ANKRD36B: variants seen among roughly 807,000 people sequenced by gnomAD.
The protein encoded by ANKRD36B is ankyrin repeat domain-containing protein 36B.
ANKRD36B carries 37 observed loss-of-function variants against 135.7 expected under a neutral mutation model. That is an observed-to-expected ratio of 0.27 (90% confidence interval 0.21 to 0.36). ANKRD36B has a LOEUF of 0.36. Among genes scored for constraint, ANKRD36B ranks in the 10% least tolerant of loss-of-function variants. ANKRD36B has a pLI of 1.00. For synonymous variants in ANKRD36B, 179 were observed against 348.1 expected, an observed-to-expected ratio of 0.51 and a Z score of 5.41; for missense variants, 549 against 1,037.1, an observed-to-expected ratio of 0.53 and a Z score of 6.46.
At chr2:97,509,140 G>C (rs1192815175) in intron 40 of ANKRD36B, among the ~76,000 whole-genome samples, 1 of 64,744 alleles carries the variant, frequency 1.5e-5, no homozygotes, top group Non-Finnish European at 3.5e-5. Context: ...CAGAAAAGTA[G>C]AGACTAAAAA....
intron 6 of ANKRD36B, among the ~76,000 whole-genome samples, chr2:97,567,182 G>A (rs1268600060): frequency 1.3e-5 from 2 of 151,310 alleles, no homozygotes; most frequent in African/African-American, 4.9e-5. Flanking sequence ...AAAGTAACAT[G>A]CTTCCATGTC....
intron 6 of ANKRD36B, among the ~76,000 whole-genome samples, chr2:97,571,740 ATACT>A (rs142847492): frequency 0.075 from 11,427 of 152,236 alleles, 1,098 homozygotes; most frequent in African/African-American, 0.22. Flanking sequence ...ATTGGATATA[ATACT>A]TACTATCAAT....
intron 34 of ANKRD36B, among the ~76,000 whole-genome samples, chr2:97,534,051 A>G (rs180961869): frequency 0.059 from 5,016 of 84,750 alleles, 1,590 homozygotes; most frequent in South Asian, 0.11. Flanking sequence ...GCGAGACTCC[A>G]TCTCAAAAAA....
chr2:97,557,045 A>C, intron 11 of ANKRD36B, 36 bp from the exon 12 acceptor site: 1 of 1,547,678 alleles, frequency 6.5e-7, no homozygotes. Flanking sequence ...TCAATACATA[A>C]TATATATTTC....
In ANKRD36B at chr2:97,523,244, C is replaced by A; in HGVS notation, c.2407+82G>T. ...TGAACATTCTTGTAACATATCAGTACTCTATGGTACAGTGTTAAGCAATGT... is the reference window on the plus strand; with the variant it reads ...TGAACATTCTTGTAACATATCAGTAATCTATGGTACAGTGTTAAGCAATGT... On this transcript the variant is annotated intron_variant, in intron 36 of 43. Transcript: ENST00000359901. 2.1e-5 allele frequency: 4 copies of A among 193,302 alleles called. 1 individual carries two copies. Among genetic ancestry groups the A allele is most frequent in the South Asian group, 1.0e-4 (4 of 39,226 alleles). The allele number at this position is 193,302 out of a possible 1,614,324, so 12.0% of individuals were successfully genotyped here.
At position 97,536,989 on chromosome 2, in the gene ANKRD36B, A is replaced by G. The variant is rs112578027; in HGVS notation, c.2090-493T>C. ...CTTCAGTTGAACGTACACTTCACGTATCTTCAGTGTAAGTGTCCTGAATTG... is the reference window on the plus strand; with the variant it reads ...CTTCAGTTGAACGTACACTTCACGTGTCTTCAGTGTAAGTGTCCTGAATTG... On this transcript the variant is annotated intron_variant, in intron 32 of 43. Transcript: ENST00000359901. 2.6e-4 allele frequency among the ~76,000 whole-genome samples: 25 copies of G among 96,844 alleles called. 9 individuals are homozygous for G. The highest frequency in any genetic ancestry group is 6.4e-4 in the Admixed American group (7 of 10,910). 63.5% of individuals were successfully genotyped at this position (96,844 alleles called of 152,430 possible).
Position 97,536,320 on chromosome 2 carries a change from T to C in ANKRD36B, c.2171A>G (p.Glu724Gly), listed in dbSNP as rs1214096819. Residue 724 changes from glutamate to glycine, a missense_variant, in exon 34 of 44, where the codon GAG (glutamate) becomes GGG (glycine). Transcript: ENST00000359901. ...TTTACCTGGTGTGGATGTTTGTACC[T>C]CCTTCATTTTGGTGGCTGTATTCAG... ...SVLNTATKMKEVQTSTPAEQD... is the reference protein window; with the variant it reads ...SVLNTATKMKGVQTSTPAEQD... The C allele has an allele frequency of 5.3e-6, 5 of 943,188 alleles. 2 individuals carry two copies. The highest frequency in any genetic ancestry group is 8.0e-6 in the Non-Finnish European group (5 of 627,850). 58.4% of individuals were successfully genotyped at this position (943,188 alleles called of 1,614,324 possible). A position where few individuals can be genotyped will look rare whatever the true frequency, so the allele number is the denominator to read the frequency against.
At chr2:97,555,198 T>A in intron 13 of ANKRD36B, 28 bp downstream of exon 13, 1 of 1,611,128 alleles carries the variant, frequency 6.2e-7, no homozygotes, top group Non-Finnish European at 8.5e-7. Flanking sequence ...CAGTTACTAA[T>A]ACAAAATATA....
intron 6 of ANKRD36B, among the ~76,000 whole-genome samples, chr2:97,573,427 T>C (rs1346502683): frequency 1.1e-4 from 16 of 152,202 alleles, no homozygotes; most frequent in Admixed American, 9.2e-4. Context: ...TGCTCATGGA[T>C]AGGAAGAATC....
At chr2:97,586,072 C>T (rs570278280) in intron 1 of ANKRD36B, among the ~76,000 whole-genome samples, 1 of 152,102 alleles carries the variant, frequency 6.6e-6, no homozygotes, top group South Asian at 2.1e-4. Context: ...ATCCGTGATG[C>T]CTTACATTAA....
At chr2:97,556,860 C>T (rs553652248) in intron 12 of ANKRD36B, 77 bp downstream of exon 12, 3 of 1,527,028 alleles carry the variant, frequency 2.0e-6, no homozygotes, top group Non-Finnish European at 1.8e-6. Flanking sequence ...CAATGACACC[C>T]CACTGATCTA....
chr2:97,553,088 C>T, intron 16 of ANKRD36B, 80 bp downstream of exon 16: 1 of 1,522,356 alleles, frequency 6.6e-7, no homozygotes, highest in Non-Finnish European at 9.0e-7. Flanking sequence ...CCCCACCCGC[C>T]CTGCGCTGAT....
rs1358963712 is a variant in ANKRD36B at position 97,528,985 on chromosome 2, A to G, written c.2265+3326T>C. On this transcript the variant is annotated intron_variant, in intron 35 of 43. Transcript: ENST00000359901. ...CATTCTACCAGAGGTACAAGGAGGA[A>G]CTGGTACCATTCCTTCTGAAACTAT... Among the ~76,000 whole-genome samples the G allele has an allele frequency of 4.1e-5, 4 of 96,736 alleles. 1 individual carries two copies. Among genetic ancestry groups the G allele is most frequent in the East Asian group, 2.3e-4 (1 of 4,316 alleles). The allele number at this position is 96,736 out of a possible 152,430, so 63.5% of individuals were successfully genotyped here.
rs748321795 is a variant in ANKRD36B at position 97,558,871 on chromosome 2, C to A, written c.895G>T (p.Ala299Ser). 4 of 1,611,006 alleles carry A rather than the reference C, an allele frequency of 2.5e-6. No homozygotes were observed. Among genetic ancestry groups the A allele is most frequent in the Non-Finnish European group, 2.5e-6 (3 of 1,178,794 alleles). Residue 299 changes from alanine to serine, a missense_variant and splice_region_variant, in exon 10 of 44, where the codon GCT (alanine) becomes TCT (serine). Coordinates refer to ENST00000359901, the MANE Select transcript of ANKRD36B (RefSeq NM_001393939.1). ...ACAGAATCTTTCTCGTCACTTGTAG[C>A]CTGAATGGGATTTGAAACAAAATAA... is the stretch of plus-strand genomic sequence containing the variant. ...VSSQKQPAEK[A>S]TSDEKDSVSN...
intron 34 of ANKRD36B, 79 bp from the exon 35 acceptor site, chr2:97,532,463 C>A (rs1281015004): frequency 6.0e-6 from 3 of 497,946 alleles, no homozygotes; most frequent in South Asian, 3.1e-5. Flanking sequence ...TGGCTCACGC[C>A]TGTAATCCCA....
intron 6 of ANKRD36B, among the ~76,000 whole-genome samples, chr2:97,565,543 A>G (rs2081362612): frequency 6.6e-6 from 1 of 152,266 alleles, no homozygotes; most frequent in South Asian, 2.1e-4. Context: ...TGGGCAAAGG[A>G]TATGAACAGA....
At chr2:97,559,880 G>C (rs1377926426) in intron 8 of ANKRD36B, among the ~76,000 whole-genome samples, 2 of 151,858 alleles carry the variant, frequency 1.3e-5, no homozygotes, top group African/African-American at 2.4e-5. Context: ...TCATTAAGTA[G>C]CTATTTTATC....
chr2:97,529,392 T>C (rs2078429411), intron 35 of ANKRD36B, among the ~76,000 whole-genome samples: 1 of 93,698 alleles, frequency 1.1e-5, no homozygotes, highest in African/African-American at 3.2e-5. Flanking sequence ...TAGGTATTGA[T>C]GGGACGTATC....
At chr2:97,560,522 G>A in intron 8 of ANKRD36B, 143 bp downstream of exon 8, 3 of 1,264,064 alleles carry the variant, frequency 2.4e-6, no homozygotes, top group Non-Finnish European at 3.3e-6. Context: ...AGAGTCACCT[G>A]AGAACTCACT....
Sources: allele counts gnomAD v4.1 joint callset (sites outside exome capture counted in the v4.1 genomes callset), GRCh38; gene constraint gnomAD v4.1.1; transcripts MANE v1.5; gene names NCBI Gene and HGNC (gene_info 2026-07-23, HGNC 2026-07-21).